Variants in DNAH17 observed in about 807,000 individuals in gnomAD.
The protein encoded by DNAH17 is axonemal beta dynein heavy chain 17.
In DNAH17, 376 loss-of-function variants were observed where a neutral mutation model predicts 485.6. The ratio of observed to expected loss-of-function variants is 0.77; its 90% CI spans 0.71 to 0.84. The LOEUF (loss-of-function observed/expected upper bound fraction) is 0.84. Ranked by LOEUF, DNAH17 falls within the 40% of genes least tolerant of loss-of-function variation. DNAH17 has a pLI of 0.00. For synonymous variants in DNAH17, 3,031 were observed against 2,405.9 expected (o/e 1.26, Z -7.60); for missense variants, 6,370 against 5,839.3 (o/e 1.09, Z -2.96).
Position 78,458,651 on chromosome 17 carries a change from G to A in DNAH17, c.9891C>T (p.Thr3297=), listed in dbSNP as rs376749326. 5.0e-6 allele frequency: 8 copies of A among 1,614,052 alleles called. No homozygotes were observed. The highest frequency in any genetic ancestry group is 4.5e-5 in the East Asian group (2 of 44,886). ...CAGCTGTTGCTTTTTCAAACGCTGA[G>A]GTTAGGTTGCTCAGGTTGGCGTTAA... ...AELNANLSNL[T]SAFEKATAEK... Residue 3297 remains threonine (T), a synonymous_variant, in exon 62 of 81, where the codon ACC becomes ACT. Transcript: ENST00000389840.
intron 71 of DNAH17, among the ~76,000 whole-genome samples, 198 bp downstream of exon 71, chr17:78,444,406 C>A (rs1209015586): frequency 1.3e-5 from 2 of 152,174 alleles, no homozygotes; most frequent in African/African-American, 4.8e-5. Flanking sequence ...GGGGTGGAAT[C>A]CTGCCTCTGT....
rs1555678479 is a variant in DNAH17, at chr17:78,506,156, T to TTA, written c.4803+563_4803+564insTA. The stretch of plus-strand genomic sequence containing the variant: ...ACCTAGTTAATTTTTTTTTTTTTTT[T>TTA]TTGAGACAGAGTCTCACTCTGTCGC... On this transcript the variant is annotated intron_variant, in intron 30 of 80. Coordinates refer to ENST00000389840, the MANE Select transcript of DNAH17 (RefSeq NM_173628.4). Among the ~76,000 whole-genome samples, 534 of 149,324 alleles carry TTA rather than the reference T, an allele frequency of 3.6e-3. 5 individuals are homozygous for TTA. Among genetic ancestry groups the TTA allele is most frequent in the African/African-American group, 0.012 (506 of 40,554 alleles).
At chr17:78,529,974 T>C (rs1481912224) in intron 21 of DNAH17, among the ~76,000 whole-genome samples, 1 of 152,136 alleles carries the variant, frequency 6.6e-6, no homozygotes, top group Non-Finnish European at 1.5e-5. Flanking sequence ...CCGGATGGAA[T>C]TCAGCCAGGC....
intron 17 of DNAH17, among the ~76,000 whole-genome samples, chr17:78,542,346 C>T (rs952332378): frequency 6.6e-6 from 1 of 152,062 alleles, no homozygotes; most frequent in Non-Finnish European, 1.5e-5. Flanking sequence ...CAGGGTTTCA[C>T]CATGTTGGCC....
At chr17:78,484,788 G>C in intron 48 of DNAH17, 80 bp downstream of exon 48, 1 of 652,898 alleles carries the variant, frequency 1.5e-6, no homozygotes, top group Non-Finnish European at 1.9e-6. Flanking sequence ...CTGGGGCTCC[G>C]CCTCTTCCTG....
At position 78,458,740 on chromosome 17, in the gene DNAH17, A is replaced by G. The variant is rs992435044; in HGVS notation, c.9862-60T>C. The G allele has an allele frequency of 3.5e-6, 5 of 1,439,628 alleles. No individual in the cohort carries two copies. The Admixed American group carries it at 8.4e-5, about 24-fold the overall frequency. The allele number at this position is 1,439,628 out of a possible 1,614,324, so 89.2% of individuals were successfully genotyped here. A position where few individuals can be genotyped will look rare whatever the true frequency, so the allele number is the denominator to read the frequency against. The stretch of plus-strand genomic sequence containing the variant: ...CCACGAGGCATCTCTAGCCCCCTGC[A>G]GCGGCAGCAGGGCTGGGCCCTGTGA... On this transcript the variant is annotated intron_variant, in intron 61 of 80. Coordinates refer to ENST00000389840, the MANE Select transcript of DNAH17 (RefSeq NM_173628.4).
intron 17 of DNAH17, 32 bp downstream of exon 17, chr17:78,543,825 G>C: frequency 6.2e-7 from 1 of 1,613,868 alleles, no homozygotes; most frequent in Non-Finnish European, 8.5e-7. Context: ...AAGCAAGTGG[G>C]TTCTCAAAAA....
chr17:78,466,763 C>CT lies in DNAH17; in HGVS notation c.8831dup (p.Phe2945ValfsTer33). The CT allele has an allele frequency of 6.2e-7, 1 of 1,610,382 alleles. No homozygotes were observed. Among genetic ancestry groups the CT allele is most frequent in the Non-Finnish European group, 8.5e-7 (1 of 1,178,484 alleles). ...CCGTGCAGTTGACCACAGCTGGGAA[C>CT]TTTCTGGCTCGTACCCGCAGCACGG... On this transcript the variant is annotated frameshift_variant, in exon 56 of 81. Coordinates refer to ENST00000389840, the MANE Select transcript of DNAH17 (RefSeq NM_173628.4). LOFTEE classifies it high-confidence loss of function.
intron 22 of DNAH17, among the ~76,000 whole-genome samples, 153 bp from the exon 23 acceptor site, chr17:78,527,149 G>A (rs1337772216): frequency 6.6e-6 from 1 of 152,198 alleles, no homozygotes; most frequent in Admixed American, 6.5e-5. Flanking sequence ...TTGGGAGGCT[G>A]AGATGGAAGG....
rs2088009142 is a variant in DNAH17, at chr17:78,459,890, T to C, written c.9547A>G (p.Ser3183Gly). 6.2e-7 allele frequency: 1 copy of C among 1,614,010 alleles called. No individual in the cohort carries two copies. The highest frequency in any genetic ancestry group is 8.5e-7 in the Non-Finnish European group (1 of 1,179,902). ...APGGKIPKDK[S>G]WKAAKIMMGK... ...ATCATGATCTTGGCCGCCTTCCAGC[T>C]CTTGTCCTTGGGGATCTTGCCCCCA... The change falls in exon 60 of 81, where the codon AGC (serine) becomes GGC (glycine). Residue 3183 changes from serine to glycine, a missense_variant. Physicochemically the swap from Ser to Gly is moderately conservative, Grantham distance 56. Transcript: ENST00000389840.
intron 26 of DNAH17, among the ~76,000 whole-genome samples, chr17:78,514,058 A>AG: frequency 6.6e-6 from 1 of 152,248 alleles, no homozygotes; most frequent in African/African-American, 2.4e-5. Context: ...TCAGGTGCTA[A>AG]GACTCTGAGT....
chr17:78,504,313 C>A (rs1172850142), intron 31 of DNAH17, among the ~76,000 whole-genome samples: 1 of 152,156 alleles, frequency 6.6e-6, no homozygotes, highest in Non-Finnish European at 1.5e-5. Context: ...GATCCGCCCA[C>A]CTCGACCTCC....
At position 78,539,859 on chromosome 17, in the gene DNAH17, C is replaced by T. The variant is rs1309064211; in HGVS notation, c.2554G>A (p.Ala852Thr). The change falls in exon 18 of 81, where the codon GCA becomes ACA. Residue 852 changes from alanine to threonine, a missense_variant. By Grantham distance (58) the Ala-to-Thr change is moderately conservative (BLOSUM62 0). Transcript: ENST00000389840. ...MVAENAELFR[A>T]DTLSLPWKDY... ...TTCCAGGGCAGGCTCAGTGTGTCTG[C>T]CCTGAATAGTTCTGCGTTTTCCTGC... 8.7e-6 allele frequency: 14 copies of T among 1,600,070 alleles called. No individual in the cohort carries two copies. Among genetic ancestry groups the T allele is most frequent in the Non-Finnish European group, 1.1e-5 (13 of 1,175,724 alleles).
chr17:78,484,739 A>ACCCCCCAGGCCCCCCCC, intron 48 of DNAH17, 129 bp downstream of exon 48: 11 of 347,790 alleles, frequency 3.2e-5, no homozygotes, highest in Non-Finnish European at 3.7e-5. Flanking sequence ...ACGTTGCAGC[A>ACCCCCCAGGCCCCCCCC]CCCCCCCCAC....
chr17:78,511,398 G>A (rs1188094603), intron 26 of DNAH17, among the ~76,000 whole-genome samples: 7 of 152,294 alleles, frequency 4.6e-5, no homozygotes, highest in African/African-American at 7.2e-5. Flanking sequence ...ATGAGCCACC[G>A]CACCCCCGGC....
intron 16 of DNAH17, among the ~76,000 whole-genome samples, chr17:78,544,982 C>T (rs752143071): frequency 1.3e-5 from 2 of 151,968 alleles, no homozygotes; most frequent in Non-Finnish European, 2.9e-5. Flanking sequence ...GCCATATCTC[C>T]CTATCCTCCA....
chr17:78,472,272 AGGGGTGCGAGGGTTAGGGTTAGGGAG>A (rs2088791238), intron 54 of DNAH17, among the ~76,000 whole-genome samples: 33 of 105,536 alleles, frequency 3.1e-4, no homozygotes, highest in African/African-American at 1.4e-3. Context: ...GTTAGGGAGT[AGGGGTGCGAGGGTTAGGGTTAGGGAG>A]TGGGGGTGCG....
rs769166601 is a variant in DNAH17 at position 78,426,457 on chromosome 17, C to G, written c.12915G>C (p.Arg4305Ser). Residue 4305 changes from arginine (R) to serine (S), a missense_variant and splice_region_variant, in exon 79 of 81, where the codon AGG becomes AGC. Arg to Ser is a moderately radical substitution (Grantham distance 110). Coordinates refer to ENST00000389840, the MANE Select transcript of DNAH17 (RefSeq NM_173628.4). Reference sequence around the variant, plus strand: ...GCCTCTCAGAGAAAACGGCACTTACCCTGATGCGGAGCAGCAGGTCTGCGT... The same window carrying G: ...GCCTCTCAGAGAAAACGGCACTTACGCTGATGCGGAGCAGCAGGTCTGCGT... ...AWYADLLLRI[R>S]ELEAWTTDFA... is the part of the protein sequence containing the mutation. The G allele has an allele frequency of 2.5e-6, 4 of 1,597,500 alleles. No individual in the cohort carries two copies. In the Admixed American group the frequency reaches 5.3e-5, roughly 21 times the overall value.
At position 78,461,649 on chromosome 17, in the gene DNAH17, C is replaced by T. The variant is rs767820731; in HGVS notation, c.9234G>A (p.Glu3078=). 1 of 1,612,226 alleles carries T rather than the reference C, an allele frequency of 6.2e-7. No individual in the cohort carries two copies. The highest frequency in any genetic ancestry group is 8.5e-7 in the Non-Finnish European group (1 of 1,179,372). Residue 3078 remains glutamate (E), a synonymous_variant, in exon 58 of 81, where the codon GAG becomes GAA. Coordinates refer to ENST00000389840, the MANE Select transcript of DNAH17 (RefSeq NM_173628.4). ...CCACCTGGATCAGTTGGTCTGCGCT[C>T]TCATTCTTCTGCTTGAGCTCAGCCT... is the stretch of plus-strand genomic sequence containing the variant. The part of the protein sequence containing the change: ...IQEAELKQKN[E]SADQLIQVVG...
Sources: gnomAD v4.1 joint callset for allele counts (sites outside exome capture counted in the v4.1 genomes callset) on GRCh38, gnomAD v4.1.1 for gene constraint, MANE v1.5 for transcripts, NCBI Gene and HGNC (gene_info 2026-07-23, HGNC 2026-07-21) for gene names.